The following PSMF1 variants were observed in gnomAD, a reference collection of about 807,000 sequenced individuals.
PSMF1 encodes proteasome inhibitor subunit 1, also known as proteasome inhibitor PI31 subunit.
PSMF1 carries 30 observed loss-of-function variants against 29.3 expected under a neutral mutation model. The ratio of observed to expected loss-of-function variants is 1.02; its 90% CI spans 0.77 to 1.39. The LOEUF (loss-of-function observed/expected upper bound fraction) is 1.39. PSMF1 is among the 40% of genes most tolerant of loss of function. The probability of loss-of-function intolerance (pLI) is 0.00; values close to 1 mark genes in which losing one functional copy is unlikely to be tolerated. For synonymous variants in PSMF1, 134 were observed against 139.7 expected, an observed-to-expected ratio of 0.96 and a Z score of 0.29; for missense variants, 344 against 357.5, an observed-to-expected ratio of 0.96 and a Z score of 0.31.
At chr20:1,154,256 T>C (rs2300186) in intron 4 of PSMF1, among the ~76,000 whole-genome samples, 47,924 of 152,170 alleles carry the variant, frequency 0.31, 8,598 homozygotes, top group East Asian at 0.66. Flanking sequence ...TTCTGAATGC[T>C]TTACAATTTT....
At position 1,165,226 on chromosome 20, in the gene PSMF1, C is replaced by A. The variant is rs927642793; in HGVS notation, c.*146C>A. On this transcript the variant is annotated 3_prime_UTR_variant, in exon 7 of 7. Transcript: ENST00000335877. ...GACCGGCTGGGATAGCCTCCCCACC[C>A]CTTATCAGAGCCAAGACACCTGCTG... 2.0e-6 allele frequency: 3 copies of A among 1,468,178 alleles called. No individual in the cohort carries two copies. In the African/African-American group the frequency reaches 4.2e-5, roughly 21 times the overall value. 90.9% of individuals were successfully genotyped at this position (1,468,178 alleles called of 1,614,324 possible).
At chr20:1,147,013 A>G (rs1030303192) in intron 4 of PSMF1, among the ~76,000 whole-genome samples, 10 of 152,130 alleles carry the variant, frequency 6.6e-5, no homozygotes, top group African/African-American at 2.2e-4. Flanking sequence ...TTTTTTAAAT[A>G]CCTACCATCT....
At chr20:1,157,898 T>A (rs1293089862) in intron 4 of PSMF1, among the ~76,000 whole-genome samples, 1 of 152,160 alleles carries the variant, frequency 6.6e-6, no homozygotes, top group Non-Finnish European at 1.5e-5. Flanking sequence ...TACTAAGAGA[T>A]GCCTTAATGG....
rs145373597 is a variant in PSMF1, at chr20:1,158,104, G to T, written c.552-5026G>T. ...TTTAATGGAATTATTGTGTCTCCTG[G>T]TGGCAGCGTTCCTCCCTCTGGAACT... On this transcript the variant is annotated intron_variant, in intron 4 of 6. Transcript: ENST00000335877. Among the ~76,000 whole-genome samples the T allele has an allele frequency of 4.9e-3, 739 of 152,172 alleles. 5 individuals carry two copies. Among genetic ancestry groups the T allele is most frequent in the African/African-American group, 0.017 (700 of 41,524 alleles).
In PSMF1 at chr20:1,166,898, T is replaced by A. The variant is rs1240487494; in HGVS notation, c.*1818T>A. 2 of 152,230 alleles carry A rather than the reference T, an allele frequency of 1.3e-5. No homozygotes were observed. The highest frequency in any genetic ancestry group is 4.8e-5 in the African/African-American group (2 of 41,434). The allele number at this position is 152,230 out of a possible 1,614,324, so 9.4% of individuals were successfully genotyped here. On this transcript the variant is annotated 3_prime_UTR_variant, in exon 7 of 7. Transcript: ENST00000335877. ...AGTATTTAAAGGATGATAGAGACCATCAGATAGAAGCAGGGAAGGTAGATA... is the reference window on the plus strand; with the variant it reads ...AGTATTTAAAGGATGATAGAGACCAACAGATAGAAGCAGGGAAGGTAGATA...
intron 1 of PSMF1, among the ~76,000 whole-genome samples, chr20:1,123,029 G>A (rs374236957): frequency 9.2e-5 from 14 of 152,278 alleles, no homozygotes; most frequent in South Asian, 4.1e-4. Flanking sequence ...AAACATATTC[G>A]GGAAATTTAC....
chr20:1,117,290 T>C (rs918779609), upstream of PSMF1, among the ~76,000 whole-genome samples: 2 of 151,718 alleles, frequency 1.3e-5, no homozygotes, highest in African/African-American at 4.8e-5. Flanking sequence ...TACTTTTCCA[T>C]TGAGTGTGAC....
At chr20:1,138,241 G>A (rs1242919713) in intron 4 of PSMF1, among the ~76,000 whole-genome samples, 1 of 152,088 alleles carries the variant, frequency 6.6e-6, no homozygotes, top group Non-Finnish European at 1.5e-5. Context: ...CCTTAACAAA[G>A]TACTAACAAA....
At chr20:1,156,192 G>C (rs1040202659) in intron 4 of PSMF1, among the ~76,000 whole-genome samples, 20 of 152,156 alleles carry the variant, frequency 1.3e-4, no homozygotes, top group African/African-American at 4.8e-4. Context: ...TGAACTTGAA[G>C]ATAGGTAATA....
chr20:1,134,053 T>C (rs2086271806), intron 3 of PSMF1, among the ~76,000 whole-genome samples: 1 of 151,700 alleles, frequency 6.6e-6, no homozygotes, highest in Non-Finnish European at 1.5e-5. Flanking sequence ...TTTTGAAGAA[T>C]TGACTTTGTT....
Position 1,167,279 on chromosome 20 carries a change from C to A in PSMF1, c.*2199C>A, listed in dbSNP as rs1292016650. On this transcript the variant is annotated 3_prime_UTR_variant, in exon 7 of 7. Coordinates refer to ENST00000335877, the MANE Select transcript of PSMF1 (RefSeq NM_006814.5). ...GTTTCAGGTGTATATTTTGTAGAACCCAAAAGATTGGAGCCTTAACAATAA... is the reference window on the plus strand; with the variant it reads ...GTTTCAGGTGTATATTTTGTAGAACACAAAAGATTGGAGCCTTAACAATAA... 1.3e-5 allele frequency: 2 copies of A among 152,076 alleles called. No individual in the cohort carries two copies. Among genetic ancestry groups the A allele is most frequent in the African/African-American group, 4.8e-5 (2 of 41,372 alleles). The allele number at this position is 152,076 out of a possible 1,614,324, so 9.4% of individuals were successfully genotyped here.
chr20:1,135,221 C>A lies in PSMF1; in HGVS notation c.466C>A (p.Arg156=). ...AAAGGCTAATGTAAGCAGTCCCCAC[C>A]GGGAGTTCCCCCCTGCTACCGCCAG... ...WEKANVSSPH[R]EFPPATAREV... The change falls in exon 4 of 7, where the codon CGG becomes AGG. Residue 156 remains arginine, a synonymous_variant. Coordinates refer to ENST00000335877, the MANE Select transcript of PSMF1 (RefSeq NM_006814.5). 1 of 1,614,130 alleles carries A rather than the reference C, an allele frequency of 6.2e-7. No homozygotes were observed. Among genetic ancestry groups the A allele is most frequent in the Non-Finnish European group, 8.5e-7 (1 of 1,180,014 alleles).
Position 1,120,528 on chromosome 20 carries a change from A to C in PSMF1, c.129+1626A>C, listed in dbSNP as rs60023104. The stretch of plus-strand genomic sequence containing the variant: ...GCGTCAGGCCCCTCTTTCAATGCAT[A>C]GTTCCCCTAACAGAAATCTTGTCTC... On this transcript the variant is annotated intron_variant, in intron 1 of 6. Coordinates refer to ENST00000335877, the MANE Select transcript of PSMF1 (RefSeq NM_006814.5). 7.0e-3 allele frequency among the ~76,000 whole-genome samples: 1,065 copies of C among 152,252 alleles called. 17 individuals are homozygous for C. Among genetic ancestry groups the C allele is most frequent in the African/African-American group, 0.024 (1,013 of 41,536 alleles).
intron 4 of PSMF1, among the ~76,000 whole-genome samples, chr20:1,155,303 C>G (rs1379435230): frequency 6.6e-6 from 1 of 152,202 alleles, no homozygotes; most frequent in African/African-American, 2.4e-5. Context: ...TTCCTTTTCT[C>G]CATTCATTTA....
At chr20:1,119,024 A>G (rs2086048290) in intron 1 of PSMF1, 122 bp downstream of exon 1, 2 of 1,314,966 alleles carry the variant, frequency 1.5e-6, no homozygotes, top group Admixed American at 2.3e-5. Context: ...TCTGGGGCAG[A>G]TGGCAGCGTT....
chr20:1,138,802 G>A (rs534540618), intron 4 of PSMF1, among the ~76,000 whole-genome samples: 104 of 150,540 alleles, frequency 6.9e-4, no homozygotes, highest in African/African-American at 2.4e-3. Flanking sequence ...TCCAGCCTGG[G>A]CAACAAAGTG....
chr20:1,128,499 TAAGTA>T (rs1271135783), intron 3 of PSMF1, among the ~76,000 whole-genome samples: 1 of 152,232 alleles, frequency 6.6e-6, no homozygotes, highest in Non-Finnish European at 1.5e-5. Context: ...ACAAACCTAT[TAAGTA>T]AAGTTCCAAA....
chr20:1,141,605 C>G lies in PSMF1; in HGVS notation c.551+6299C>G, dbSNP rs61428844. Among the ~76,000 whole-genome samples, 688 of 152,120 alleles carry G rather than the reference C, an allele frequency of 4.5e-3. 6 individuals carry two copies. Among genetic ancestry groups the G allele is most frequent in the Middle Eastern group, 0.017 (5 of 294 alleles). On this transcript the variant is annotated intron_variant, in intron 4 of 6. Transcript: ENST00000335877. Reference sequence around the variant, plus strand: ...TAAAATTAGCTACTGAATGCCTTCCCCCTAAGGAAGAAGGCAAGGATAACC... The same window carrying G: ...TAAAATTAGCTACTGAATGCCTTCCGCCTAAGGAAGAAGGCAAGGATAACC...
intron 4 of PSMF1, among the ~76,000 whole-genome samples, chr20:1,151,687 A>G (rs966679725): frequency 6.6e-6 from 1 of 152,234 alleles, no homozygotes; most frequent in African/African-American, 2.4e-5. Context: ...CAGATCATAA[A>G]TCTTTTTAAA....
Sources: allele counts gnomAD v4.1 joint callset (sites outside exome capture counted in the v4.1 genomes callset), GRCh38; gene constraint gnomAD v4.1.1; transcripts MANE v1.5; gene names NCBI Gene and HGNC (gene_info 2026-07-23, HGNC 2026-07-21).